The following SLC8A1 variants were observed in gnomAD, a reference collection of about 807,000 sequenced individuals.
SLC8A1 encodes solute carrier family 8 member A1, also known as sodium/calcium exchanger 1.
SLC8A1 carries 18 observed loss-of-function variants against 68.3 expected under a neutral mutation model. The ratio of observed to expected loss-of-function variants is 0.26; its 90% confidence interval spans 0.18 to 0.39. The LOEUF (loss-of-function observed/expected upper bound fraction) is 0.39, where lower values mean the gene tolerates loss of function less well. Ranked by LOEUF, SLC8A1 falls within the 10% of genes least tolerant of loss-of-function variation. SLC8A1 has a pLI of 1.00. For missense variants in SLC8A1, 985 were observed against 1,156.7 expected, an observed-to-expected ratio of 0.85 and a Z score of 2.15; for synonymous variants, 475 against 415.5, an observed-to-expected ratio of 1.14 and a Z score of -1.74.
rs1443563982 is a variant in SLC8A1, at chr2:40,512,225, G to T, written c.-25+124C>A. 3 of 150,984 alleles carry T rather than the reference G, an allele frequency of 2.0e-5. No individual in the cohort carries two copies. The East Asian group carries it at 5.9e-4, about 30-fold the overall frequency. 9.4% of individuals were successfully genotyped at this position (150,984 alleles called of 1,614,324 possible). A position where few individuals can be genotyped will look rare whatever the true frequency, so the allele number is the denominator to read the frequency against. On this transcript the variant is annotated intron_variant, in intron 1 of 7. Transcript: ENST00000402441. ...GTCACTAGCTCCAACCTATTTTTTT[G>T]TTTGTTTGTTTTTCTTTTCAAAATA...
intron 2 of SLC8A1, among the ~76,000 whole-genome samples, chr2:40,305,125 G>A (rs1340445783): frequency 2.0e-5 from 3 of 152,160 alleles, no homozygotes; most frequent in Admixed American, 6.5e-5. Context: ...AAGGCTCTAG[G>A]AAACAGCCTT....
intron 2 of SLC8A1, among the ~76,000 whole-genome samples, chr2:40,382,678 A>T (rs992489277): frequency 6.6e-6 from 1 of 152,136 alleles, no homozygotes; most frequent in Non-Finnish European, 1.5e-5. Context: ...TGAAAATCGT[A>T]TATTATAGGT....
At chr2:40,489,181 C>T (rs1251118982) in intron 1 of SLC8A1, among the ~76,000 whole-genome samples, 2 of 152,034 alleles carry the variant, frequency 1.3e-5, no homozygotes, top group Non-Finnish European at 2.9e-5. Context: ...GAGAAACCTG[C>T]CTAAGGTGAC....
intron 2 of SLC8A1, among the ~76,000 whole-genome samples, chr2:40,311,996 C>T (rs1257465466): frequency 1.3e-5 from 2 of 152,060 alleles, no homozygotes; most frequent in African/African-American, 2.4e-5. Context: ...TCCTCCCTTG[C>T]GTCTCAAAGA....
rs145977240 is a variant in SLC8A1, at chr2:40,324,636, G to C, written c.1808+103837C>G. Among the ~76,000 whole-genome samples the C allele has an allele frequency of 2.9e-3, 446 of 152,174 alleles. 1 individual carries two copies. Among genetic ancestry groups the C allele is most frequent in the Non-Finnish European group, 5.2e-3 (351 of 67,982 alleles). ...TTGTTCATCCACTGGGGAGAATTAA[G>C]TTATTAGTTTCTCTCCCTCTCTCCC... is the stretch of plus-strand genomic sequence containing the variant. On this transcript the variant is annotated intron_variant, in intron 2 of 7. Coordinates refer to ENST00000406785, the Ensembl canonical transcript of SLC8A1.
At chr2:40,149,536 TATCTC>T (rs1192170576) in intron 6 of SLC8A1, among the ~76,000 whole-genome samples, 12 of 151,974 alleles carry the variant, frequency 7.9e-5, no homozygotes, top group Admixed American at 2.6e-4. Flanking sequence ...GCAGAGAAAA[TATCTC>T]ATGCACAACT....
At chr2:40,450,303 T>C (rs572803066) in intron 1 of SLC8A1, among the ~76,000 whole-genome samples, 8 of 152,286 alleles carry the variant, frequency 5.3e-5, no homozygotes, top group East Asian at 1.9e-4. Flanking sequence ...CCTTTTTTTT[T>C]CTGACTCGCT....
At chr2:40,303,914 C>A (rs1407441575) in intron 2 of SLC8A1, among the ~76,000 whole-genome samples, 1 of 152,162 alleles carries the variant, frequency 6.6e-6, no homozygotes, top group African/African-American at 2.4e-5. Flanking sequence ...ACAGTCTGGG[C>A]AGCAGACAAT....
At chr2:40,182,238 C>A (rs2049731282) in intron 2 of SLC8A1, among the ~76,000 whole-genome samples, 1 of 152,152 alleles carries the variant, frequency 6.6e-6, no homozygotes, top group Non-Finnish European at 1.5e-5. Flanking sequence ...AAATATAATT[C>A]TTGCATTTTT....
intron 2 of SLC8A1, among the ~76,000 whole-genome samples, chr2:40,360,843 G>C (rs10165271): frequency 0.51 from 78,111 of 151,980 alleles, 20,487 homozygotes; most frequent in Admixed American, 0.61. Context: ...AGCACCCTCT[G>C]CTGGGGCCAC....
At chr2:40,387,647 G>A (rs750341906) in intron 2 of SLC8A1, among the ~76,000 whole-genome samples, 1 of 151,306 alleles carries the variant, frequency 6.6e-6, no homozygotes, top group Non-Finnish European at 1.5e-5. Context: ...TTAACTTGGG[G>A]TACTTAAGAA....
At chr2:40,198,329 C>T (rs1474371455) in intron 2 of SLC8A1, among the ~76,000 whole-genome samples, 1 of 151,856 alleles carries the variant, frequency 6.6e-6, no homozygotes, top group Non-Finnish European at 1.5e-5. Flanking sequence ...GACATTCTTA[C>T]ATGGAATGCT....
intron 1 of SLC8A1, among the ~76,000 whole-genome samples, chr2:40,448,338 C>A (rs1701828537): frequency 6.6e-6 from 1 of 152,116 alleles, no homozygotes; most frequent in Admixed American, 6.6e-5. Context: ...GAAAGTAATC[C>A]CGCTGCACTT....
In SLC8A1 at chr2:40,300,991, A is replaced by T. The variant is rs1290158404; in HGVS notation, c.1809-123136T>A. Among the ~76,000 whole-genome samples the T allele has an allele frequency of 2.0e-5, 3 of 152,148 alleles. No homozygotes were observed. In the East Asian group the frequency reaches 5.8e-4, roughly 29 times the overall value. ...ATGAGGATAGGGATATTTCAAGGTG[A>T]AAAGAGGTAAGAAAATGTGGTTGAT... On this transcript the variant is annotated intron_variant, in intron 2 of 7. Coordinates refer to ENST00000406785, the Ensembl canonical transcript of SLC8A1.
chr2:40,329,202 G>C (rs1016514307), intron 2 of SLC8A1, among the ~76,000 whole-genome samples: 1 of 151,688 alleles, frequency 6.6e-6, no homozygotes, highest in Non-Finnish European at 1.5e-5. Context: ...ATATTCTCTG[G>C]CCCATTGAAA....
At chr2:40,270,408 T>C (rs115241405) in intron 2 of SLC8A1, among the ~76,000 whole-genome samples, 1 of 152,350 alleles carries the variant, frequency 6.6e-6, no homozygotes, top group East Asian at 1.9e-4. Context: ...AGGCTAACAT[T>C]GAGGTGCCAG....
intron 6 of SLC8A1, among the ~76,000 whole-genome samples, chr2:40,152,638 A>C (rs572145937): frequency 1.3e-5 from 2 of 151,060 alleles, no homozygotes; most frequent in African/African-American, 4.9e-5. Flanking sequence ...CTGGTCTCAA[A>C]CTCCTGGCCT....
chr2:40,392,362 T>G (rs2149605525), intron 2 of SLC8A1, among the ~76,000 whole-genome samples: 1 of 152,196 alleles, frequency 6.6e-6, no homozygotes, highest in East Asian at 1.9e-4. Flanking sequence ...TAGGCATTAC[T>G]CAACAGAGAA....
At chr2:40,358,709 G>A (rs540894368) in intron 2 of SLC8A1, among the ~76,000 whole-genome samples, 2 of 152,160 alleles carry the variant, frequency 1.3e-5, no homozygotes, top group Non-Finnish European at 1.5e-5. Context: ...TACAGTCCAA[G>A]GTGCTGCTAG....
Sources: gnomAD v4.1 joint callset for allele counts (sites outside exome capture counted in the v4.1 genomes callset) on GRCh38, gnomAD v4.1.1 for gene constraint, MANE v1.5 for transcripts, NCBI Gene and HGNC (gene_info 2026-07-23, HGNC 2026-07-21) for gene names.